Variants in NSL1 observed in about 807,000 individuals in gnomAD.
The protein encoded by NSL1 is kinetochore-associated protein NSL1 homolog.
A neutral mutation model predicts 25.4 loss-of-function variants in NSL1; 11 were observed. That is an observed-to-expected ratio of 0.43 (90% confidence interval 0.27 to 0.72). The LOEUF (loss-of-function observed/expected upper bound fraction) is 0.72. Among genes scored for constraint, NSL1 ranks in the 30% least tolerant of loss-of-function variants. The pLI is 0.19. For missense variants in NSL1, 330 were observed against 342.7 expected (o/e 0.96, Z 0.29); for synonymous variants, 118 against 120.6 (o/e 0.98, Z 0.14).
At chr1:212,790,936 A>AT (rs1553255516) in intron 1 of NSL1, among the ~76,000 whole-genome samples, 38 of 150,004 alleles carry the variant, frequency 2.5e-4, no homozygotes, top group African/African-American at 8.8e-4. Flanking sequence ...AAAAAAAAAT[A>AT]AAATAAAATA....
At chr1:212,763,974 T>C (rs1410371668) in intron 4 of NSL1, 1 of 415,198 alleles carries the variant, frequency 2.4e-6, no homozygotes, top group Non-Finnish European at 4.8e-6. Context: ...CTGCAGAATA[T>C]ACATTCTCCT....
intron 4 of NSL1, among the ~76,000 whole-genome samples, chr1:212,758,100 G>A (rs1319016621): frequency 6.6e-6 from 1 of 152,142 alleles, no homozygotes; most frequent in Non-Finnish European, 1.5e-5. Flanking sequence ...TTTGGAATGT[G>A]CATGTATTGT....
chr1:212,787,355 T>C (rs1399223696), intron 2 of NSL1, among the ~76,000 whole-genome samples: 1 of 152,240 alleles, frequency 6.6e-6, no homozygotes, highest in Non-Finnish European at 1.5e-5. Flanking sequence ...TTTTGTCATC[T>C]GGAGATAGCT....
chr1:212,745,979 C>A (rs549965278), intron 4 of NSL1, among the ~76,000 whole-genome samples: 43 of 152,124 alleles, frequency 2.8e-4, no homozygotes, highest in African/African-American at 7.9e-4. Context: ...AACAAACAAA[C>A]AAACAAACAA....
rs1658322229 is a variant in NSL1, at chr1:212,738,276, T to C, written c.*132A>G. ...ATCATATCCCCGCACAGAGATACTA[T>C]ATCTGTATAAATGAATCACTAGTAA... On this transcript the variant is annotated 3_prime_UTR_variant, in exon 6 of 6. Coordinates refer to ENST00000366977, the MANE Select transcript of NSL1 (RefSeq NM_015471.4). 3 of 1,452,880 alleles carry C rather than the reference T, an allele frequency of 2.1e-6. No individual in the cohort carries two copies. The highest frequency in any genetic ancestry group is 2.7e-6 in the Non-Finnish European group (3 of 1,103,560). The allele number at this position is 1,452,880 out of a possible 1,614,324, so 90.0% of individuals were successfully genotyped here.
intron 3 of NSL1, among the ~76,000 whole-genome samples, chr1:212,783,387 G>T (rs1181017960): frequency 6.6e-6 from 1 of 151,962 alleles, no homozygotes; most frequent in Non-Finnish European, 1.5e-5. Flanking sequence ...GGGAGGGGTG[G>T]GGGAAGTGAT....
chr1:212,750,303 C>G (rs1659007566), intron 4 of NSL1, among the ~76,000 whole-genome samples: 2 of 151,886 alleles, frequency 1.3e-5, no homozygotes. Context: ...GGATTTGGGG[C>G]TAGGTGAGCT....
chr1:212,752,243 A>ATATT (rs932784643), intron 4 of NSL1, among the ~76,000 whole-genome samples: 2 of 152,192 alleles, frequency 1.3e-5, no homozygotes, highest in African/African-American at 4.8e-5. Flanking sequence ...GCCTAGAAAC[A>ATATT]TATTTATTTA....
chr1:212,778,286 T>C (rs1188394693), intron 4 of NSL1, among the ~76,000 whole-genome samples: 2 of 152,246 alleles, frequency 1.3e-5, no homozygotes, highest in Non-Finnish European at 2.9e-5. Flanking sequence ...ATCTGTCTGC[T>C]TTATCTTTGT....
chr1:212,789,933 C>T (rs1442918751), intron 1 of NSL1, among the ~76,000 whole-genome samples: 1 of 152,176 alleles, frequency 6.6e-6, no homozygotes, highest in African/African-American at 2.4e-5. Flanking sequence ...GCCTTGCTTG[C>T]AAGGAGGGAA....
chr1:212,783,403 G>A (rs1207715718), intron 3 of NSL1, among the ~76,000 whole-genome samples: 2 of 152,076 alleles, frequency 1.3e-5, no homozygotes, highest in Admixed American at 6.6e-5. Context: ...GTGATGGAAT[G>A]CGGTATTTGA....
chr1:212,779,404 C>T (rs1247527240), intron 4 of NSL1, among the ~76,000 whole-genome samples: 50 of 129,896 alleles, frequency 3.8e-4, no homozygotes, highest in East Asian at 5.2e-4. Context: ...CCCCGCCCGG[C>T]CAGCCGCCCC....
chr1:212,779,004 G>T (rs1419419931), intron 4 of NSL1, among the ~76,000 whole-genome samples: 2 of 149,802 alleles, frequency 1.3e-5, no homozygotes, highest in Non-Finnish European at 3.0e-5. Context: ...GAGCGTCTCT[G>T]CCCGGCCGCC....
At chr1:212,766,399 GT>G (rs989998167) in intron 4 of NSL1, 56 of 422,344 alleles carry the variant, frequency 1.3e-4, no homozygotes, top group Non-Finnish European at 3.4e-5. Flanking sequence ...AACTGTCACT[GT>G]TTGCCAGTGA....
At chr1:212,745,156 CAAACTATATATATA>C (rs1658703141) in intron 4 of NSL1, among the ~76,000 whole-genome samples, 1 of 92,248 alleles carries the variant, frequency 1.1e-5, no homozygotes, top group Non-Finnish European at 2.2e-5. Context: ...AACAAACAAA[CAAACTATATATATA>C]TATATATATA....
chr1:212,783,716 T>C (rs1199940495), intron 3 of NSL1, among the ~76,000 whole-genome samples: 1 of 152,240 alleles, frequency 6.6e-6, no homozygotes, highest in Non-Finnish European at 1.5e-5. Context: ...TCCTATTTTT[T>C]ATTTATTCTA....
chr1:212,738,843 A>G (rs1217409995), intron 5 of NSL1, among the ~76,000 whole-genome samples, 157 bp from the exon 6 acceptor site: 1 of 151,774 alleles, frequency 6.6e-6, no homozygotes, highest in Admixed American at 6.6e-5. Context: ...GCTCACTGCA[A>G]TCTCCACCTC....
At position 212,791,654 on chromosome 1, in the gene NSL1, C is replaced by T. The variant is rs534814725; in HGVS notation, c.110G>A (p.Arg37Gln). Residue 37 changes from arginine to glutamine, a missense_variant, in exon 1 of 6, where the codon CGG becomes CAG. By Grantham distance (43) the Arg-to-Gln change is conservative (BLOSUM62 1). Coordinates refer to ENST00000366977, the MANE Select transcript of NSL1 (RefSeq NM_015471.4). ...LVSATPREDF[R>Q]VRCTSKRAVT... is the part of the protein sequence containing the mutation. Reference sequence around the variant, plus strand: ...AGCCCGCTTCGAGGTGCAGCGCACCCGAAAGTCTTCTCGGGGAGTGGCGGA... The same window carrying T: ...AGCCCGCTTCGAGGTGCAGCGCACCTGAAAGTCTTCTCGGGGAGTGGCGGA... 5.6e-6 allele frequency: 9 copies of T among 1,613,926 alleles called. No homozygotes were observed. The highest frequency in any genetic ancestry group is 6.8e-6 in the Non-Finnish European group (8 of 1,180,016).
At position 212,737,567 on chromosome 1, in the gene NSL1, T is replaced by C. The variant is rs1571861346; in HGVS notation, c.*841A>G. Reference sequence around the variant, plus strand: ...CTTCTCCCAGTGATTATATACCTGATATATAAACATCTTCAAATGTGAAAT... The same window carrying C: ...CTTCTCCCAGTGATTATATACCTGACATATAAACATCTTCAAATGTGAAAT... On this transcript the variant is annotated 3_prime_UTR_variant, in exon 6 of 6. Coordinates refer to ENST00000366977, the MANE Select transcript of NSL1 (RefSeq NM_015471.4). The C allele has an allele frequency of 2.1e-6, 2 of 974,728 alleles. No homozygotes were observed. Among genetic ancestry groups the C allele is most frequent in the South Asian group, 9.5e-5 (2 of 21,074 alleles). The allele number at this position is 974,728 out of a possible 1,614,324, so 60.4% of individuals were successfully genotyped here.
Sources: allele counts gnomAD v4.1 joint callset (sites outside exome capture counted in the v4.1 genomes callset), GRCh38; gene constraint gnomAD v4.1.1; transcripts MANE v1.5; gene names NCBI Gene and HGNC (gene_info 2026-07-23, HGNC 2026-07-21).